ADAMTS3: variants seen among roughly 807,000 people sequenced by gnomAD.
ADAMTS3 encodes the protein ADAM metallopeptidase with thrombospondin type 1 motif 3, also known as A disintegrin and metalloproteinase with thrombospondin motifs 3.
Under a neutral mutation model 129.0 loss-of-function variants are expected in ADAMTS3, and 73 were observed. That is an observed-to-expected ratio of 0.57 (90% confidence interval 0.47 to 0.69). The LOEUF is 0.69. Ranked by LOEUF, ADAMTS3 falls within the 30% of genes least tolerant of loss-of-function variation. The pLI, the probability that ADAMTS3 is intolerant of heterozygous loss-of-function variation, is 0.00. For synonymous variants in ADAMTS3, 477 were observed against 510.8 expected (o/e 0.93, Z 0.89); for missense variants, 1,457 against 1,514.5 (o/e 0.96, Z 0.63).
rs1336796245 is a variant in ADAMTS3, at chr4:72,339,685, G to T, written c.670C>A (p.Leu224Met). 7 of 1,613,638 alleles carry T rather than the reference G, an allele frequency of 4.3e-6. No homozygotes were observed. In the Admixed American group the frequency reaches 1.0e-4, roughly 23 times the overall value. Reference sequence around the variant, plus strand: ...GTACCTAGATCATCAAGGCCTTCCAGGTCCGACTCTAATAAGAGACAAAAG... The same window carrying T: ...GTACCTAGATCATCAAGGCCTTCCATGTCCGACTCTAATAAGAGACAAAAG... ...SKDFHYRESD[L>M]EGLDDLGTVY... Residue 224 changes from leucine (L) to methionine (M), a missense_variant, in exon 5 of 22, where the codon CTG (leucine) becomes ATG (methionine). Leu to Met is a conservative substitution (Grantham distance 15). Transcript: ENST00000286657.
chr4:72,509,611 G>A (rs1380240839), intron 3 of ADAMTS3, among the ~76,000 whole-genome samples: 1 of 151,950 alleles, frequency 6.6e-6, no homozygotes, highest in Non-Finnish European at 1.5e-5. Flanking sequence ...TAACAAGATT[G>A]AAGCCATAAT....
chr4:72,520,148 C>A (rs190736066), intron 3 of ADAMTS3, among the ~76,000 whole-genome samples: 5 of 152,318 alleles, frequency 3.3e-5, no homozygotes, highest in Admixed American at 6.5e-5. Context: ...GGCTGCAGAA[C>A]AGCAGATTTT....
chr4:72,537,634 G>A (rs1455364573), intron 3 of ADAMTS3, among the ~76,000 whole-genome samples: 1 of 151,936 alleles, frequency 6.6e-6, no homozygotes, highest in Non-Finnish European at 1.5e-5. Context: ...CAACAACAAA[G>A]CAAACAGCAA....
intron 2 of ADAMTS3, among the ~76,000 whole-genome samples, chr4:72,550,044 AGG>A (rs1491460584): frequency 0.51 from 8,067 of 15,882 alleles, 2,058 homozygotes; most frequent in Admixed American, 0.58. Context: ...GAAGAAGAAG[AGG>A]AAGAGGAAGA....
chr4:72,353,013 T>C (rs1410164706), intron 4 of ADAMTS3, among the ~76,000 whole-genome samples: 1 of 152,010 alleles, frequency 6.6e-6, no homozygotes, highest in Non-Finnish European at 1.5e-5. Context: ...GGCATCAATA[T>C]TAGGAATGTT....
intron 5 of ADAMTS3, among the ~76,000 whole-genome samples, chr4:72,337,318 T>C (rs1368099021): frequency 6.6e-6 from 1 of 152,186 alleles, no homozygotes; most frequent in Non-Finnish European, 1.5e-5. Flanking sequence ...CTCTTGACTG[T>C]TTTTAAAACA....
chr4:72,455,852 TTATATA>T (rs1285092122), intron 3 of ADAMTS3, among the ~76,000 whole-genome samples: 4 of 122,140 alleles, frequency 3.3e-5, no homozygotes, highest in Non-Finnish European at 4.8e-5. Context: ...ACTATATATT[TTATATA>T]TAGTATATAC....
intron 5 of ADAMTS3, chr4:72,330,402 C>G (rs1326499836): frequency 6.6e-6 from 1 of 152,052 alleles, no homozygotes; most frequent in East Asian, 2.0e-4. Context: ...ACAGGACTAT[C>G]TATTTGGAAG....
At chr4:72,360,204 T>C (rs1048309472) in intron 4 of ADAMTS3, among the ~76,000 whole-genome samples, 3 of 152,236 alleles carry the variant, frequency 2.0e-5, no homozygotes, top group African/African-American at 4.8e-5. Flanking sequence ...CTTAGAACGA[T>C]GCCTTTTACA....
chr4:72,375,231 A>G (rs1201799857), intron 4 of ADAMTS3, among the ~76,000 whole-genome samples: 1 of 152,282 alleles, frequency 6.6e-6, no homozygotes, highest in South Asian at 2.1e-4. Flanking sequence ...ATGCTATTTC[A>G]TCCTGGTGAG....
chr4:72,333,522 T>C (rs1015858207), intron 5 of ADAMTS3, among the ~76,000 whole-genome samples: 2 of 152,184 alleles, frequency 1.3e-5, no homozygotes, highest in Non-Finnish European at 2.9e-5. Flanking sequence ...CACTTTCCAG[T>C]AGGGTCTGTC....
In ADAMTS3 at chr4:72,403,456, T is replaced by A. The variant is rs541021871; in HGVS notation, c.661+11359A>T. On this transcript the variant is annotated intron_variant, in intron 4 of 21. Transcript: ENST00000286657. ...GGATAAAACTCAATATCTGCAGATA[T>A]TAGATGGAAAAAAAATAAGAGTCAA... Among the ~76,000 whole-genome samples, 3 of 14,864 alleles carry A rather than the reference T, an allele frequency of 2.0e-4. 1 individual carries two copies. In the South Asian group the frequency reaches 0.033, roughly 162 times the overall value. The allele number at this position is 14,864 out of a possible 152,430, so 9.8% of individuals were successfully genotyped here. A position where few individuals can be genotyped will look rare whatever the true frequency, so the allele number is the denominator to read the frequency against.
At chr4:72,508,294 C>T (rs1172770913) in intron 3 of ADAMTS3, among the ~76,000 whole-genome samples, 4 of 152,060 alleles carry the variant, frequency 2.6e-5, no homozygotes, top group African/African-American at 7.2e-5. Flanking sequence ...TCTTTAGAGG[C>T]CTATAAGCAG....
chr4:72,301,511 A>T (rs935636737), intron 17 of ADAMTS3, among the ~76,000 whole-genome samples: 1 of 152,124 alleles, frequency 6.6e-6, no homozygotes, highest in Admixed American at 6.6e-5. Context: ...GAGAAGAAAA[A>T]CCCTAAAAAT....
chr4:72,399,825 A>G (rs1721841354), intron 4 of ADAMTS3, among the ~76,000 whole-genome samples: 1 of 104,092 alleles, frequency 9.6e-6, no homozygotes, highest in African/African-American at 3.5e-5. Context: ...GTGTGTATAT[A>G]CGTGTGTATA....
intron 20 of ADAMTS3, among the ~76,000 whole-genome samples, chr4:72,289,159 T>C (rs1055346733): frequency 6.6e-6 from 1 of 152,154 alleles, no homozygotes; most frequent in African/African-American, 2.4e-5. Context: ...AAGATTGTTT[T>C]AGGACTAAAT....
chr4:72,484,017 C>CA lies in ADAMTS3; in HGVS notation c.504+64460dup, dbSNP rs1719512578. On this transcript the variant is annotated intron_variant, in intron 3 of 21. Coordinates refer to ENST00000286657, the MANE Select transcript of ADAMTS3 (RefSeq NM_014243.3). The stretch of plus-strand genomic sequence containing the variant: ...CGGGTGACAGAGCAGGACTCCGTCT[C>CA]AAAAAAGAAAGAAAGAAAAAAAAAA... Among the ~76,000 whole-genome samples the CA allele has an allele frequency of 3.3e-5, 5 of 150,930 alleles. No individual in the cohort carries two copies. In the South Asian group the frequency reaches 8.4e-4, roughly 25 times the overall value.
In ADAMTS3 at chr4:72,319,320, C is replaced by T. The variant is rs1719488649; in HGVS notation, c.1352+12G>A. The T allele has an allele frequency of 6.2e-7, 1 of 1,613,606 alleles. No homozygotes were observed. The highest frequency in any genetic ancestry group is 8.5e-7 in the Non-Finnish European group (1 of 1,179,806). On this transcript the variant is annotated intron_variant, in intron 9 of 21. Transcript: ENST00000286657. ...AAATAAATACTTTCATGACATGCAG[C>T]AGGGGACATACTGGATATATCTTTT...
chr4:72,435,728 A>T (rs1482549044), intron 3 of ADAMTS3, among the ~76,000 whole-genome samples: 3 of 152,034 alleles, frequency 2.0e-5, no homozygotes, highest in Non-Finnish European at 4.4e-5. Context: ...ATCTTTGACA[A>T]ACCTGATAAA....
Sources: allele counts gnomAD v4.1 joint callset (sites outside exome capture counted in the v4.1 genomes callset), GRCh38; gene constraint gnomAD v4.1.1; transcripts MANE v1.5; gene names NCBI Gene and HGNC (gene_info 2026-07-23, HGNC 2026-07-21).